DCAF1: variants seen among roughly 807,000 people sequenced by gnomAD.
DCAF1 encodes DDB1- and CUL4-associated factor 1.
Under a neutral mutation model 128.0 loss-of-function variants are expected in DCAF1, and 15 were observed. The ratio of observed to expected loss-of-function variants is 0.12; its 90% CI spans 0.08 to 0.18. The LOEUF (loss-of-function observed/expected upper bound fraction) is 0.18, where lower values mean the gene tolerates loss of function less well. DCAF1 is among the 10% of genes least tolerant of loss of function. The pLI is 1.00. For missense variants in DCAF1, 988 were observed against 1,649.5 expected, an observed-to-expected ratio of 0.60 and a Z score of 6.95; for synonymous variants, 610 against 603.0, an observed-to-expected ratio of 1.01 and a Z score of -0.17.
At chr3:51,466,743 CA>C (rs1704169003) in intron 5 of DCAF1, 59 bp downstream of exon 5, 1 of 1,560,606 alleles carries the variant, frequency 6.4e-7, no homozygotes, top group Non-Finnish European at 8.8e-7. Flanking sequence ...CACGAAAAAA[CA>C]ATAAAGATAC....
intron 6 of DCAF1, among the ~76,000 whole-genome samples, chr3:51,447,568 A>G (rs1701999219): frequency 6.6e-6 from 1 of 152,180 alleles, no homozygotes; most frequent in South Asian, 2.1e-4. Context: ...TAAAATATTA[A>G]TTCTATCTAT....
At chr3:51,478,845 C>G (rs1407816930) in intron 3 of DCAF1, among the ~76,000 whole-genome samples, 8 of 152,036 alleles carry the variant, frequency 5.3e-5, no homozygotes, top group Admixed American at 3.9e-4. Context: ...TGCCAGTCAG[C>G]AATAATCCTG....
intron 23 of DCAF1, among the ~76,000 whole-genome samples, chr3:51,408,808 A>C (rs1318384153): frequency 6.6e-6 from 1 of 152,250 alleles, no homozygotes; most frequent in African/African-American, 2.4e-5. Context: ...CAGTTCTCTA[A>C]CAGAGGTCCT....
upstream of DCAF1, among the ~76,000 whole-genome samples, chr3:51,502,754 C>A (rs1220807264): frequency 2.6e-5 from 4 of 151,830 alleles, no homozygotes; most frequent in Admixed American, 2.6e-4. Context: ...CCTGCAGCCT[C>A]CTCTACCCCT....
chr3:51,441,496 T>C lies in DCAF1; in HGVS notation c.915A>G (p.Ser305=). The C allele has an allele frequency of 6.2e-7, 1 of 1,614,048 alleles. No homozygotes were observed. Among genetic ancestry groups the C allele is most frequent in the South Asian group, 1.1e-5 (1 of 91,080 alleles). The part of the protein sequence containing the change: ...MFVELSNSSW[S]EMSPWVIGTN... ...TGCCAATCACCCAGGGAGACATTTC[T>C]GACCAACTGCTATTAGACAGCTCAA... Residue 305 remains serine (S), a synonymous_variant, in exon 8 of 25, where the codon TCA becomes TCG. Transcript: ENST00000684031.
intron 17 of DCAF1, 104 bp from the exon 18 acceptor site, chr3:51,416,975 A>C: frequency 4.0e-6 from 6 of 1,502,362 alleles, no homozygotes; most frequent in Non-Finnish European, 3.6e-6. Context: ...AATCACACTC[A>C]CCTAAAGATC....
intron 1 of DCAF1, 88 bp downstream of exon 1, chr3:51,499,785 C>G (rs1233025512): frequency 1.3e-5 from 2 of 151,976 alleles, no homozygotes; most frequent in African/African-American, 4.8e-5. Context: ...TCCCCCAAGC[C>G]CGGCGCCCAC....
In DCAF1 at chr3:51,420,991, C is replaced by T; in HGVS notation, c.1979G>A (p.Ser660Asn). 6.2e-7 allele frequency: 1 copy of T among 1,608,762 alleles called. No individual in the cohort carries two copies. The highest frequency in any genetic ancestry group is 1.3e-5 in the African/African-American group (1 of 74,830). ...AGSTVSTVGI[S>N]IILGVAEGEF... The stretch of plus-strand genomic sequence containing the variant: ...ACCCTCAGCCACTCCCAAAATAATG[C>T]TGATACCTAATGGGAAAAAAAATTA... Residue 660 changes from serine to asparagine, a missense_variant, in exon 15 of 25, where the codon AGC (serine) becomes AAC (asparagine). Coordinates refer to ENST00000684031, the MANE Select transcript of DCAF1 (RefSeq NM_001387579.1). This position sits in a 1 kb window ranked among gnomAD's most constrained non-coding sequence, Gnocchi z 6.5.
chr3:51,495,374 G>A (rs1435814547), intron 2 of DCAF1, among the ~76,000 whole-genome samples: 1 of 152,012 alleles, frequency 6.6e-6, no homozygotes, highest in Non-Finnish European at 1.5e-5. Flanking sequence ...AAGGCAAGGC[G>A]TGGTGGCTCA....
chr3:51,438,208 A>G, intron 9 of DCAF1: 1 of 315,708 alleles, frequency 3.2e-6, no homozygotes, highest in South Asian at 2.7e-5. Context: ...GAAAATCCTT[A>G]TTTCCATGGT....
At chr3:51,411,163 G>GAAA (rs1268364026) in intron 23 of DCAF1, among the ~76,000 whole-genome samples, 5 of 58,774 alleles carry the variant, frequency 8.5e-5, no homozygotes, top group Admixed American at 1.5e-4. Context: ...CTCCATCTCA[G>GAAA]AAAAAAAAAA....
chr3:51,474,207 T>A (rs1336586849), intron 3 of DCAF1, among the ~76,000 whole-genome samples: 1 of 151,822 alleles, frequency 6.6e-6, no homozygotes, highest in Non-Finnish European at 1.5e-5. Context: ...TCACCTGAGG[T>A]TGGGAGTTCG....
intron 6 of DCAF1, among the ~76,000 whole-genome samples, chr3:51,454,696 C>T (rs533635088): frequency 6.6e-5 from 10 of 150,952 alleles, no homozygotes; most frequent in East Asian, 5.9e-4. Flanking sequence ...TTTTTTGAGA[C>T]GGAGTCTCGC....
intron 9 of DCAF1, 150 bp from the exon 10 acceptor site, chr3:51,433,414 A>G: frequency 2.5e-6 from 1 of 392,774 alleles, no homozygotes; most frequent in Non-Finnish European, 4.5e-6. Flanking sequence ...ATTTAAAGTA[A>G]ATAAAAAGAC....
intron 7 of DCAF1, 36 bp from the exon 8 acceptor site, chr3:51,441,933 CTTTA>C (rs1701397386): frequency 6.5e-7 from 1 of 1,546,976 alleles, no homozygotes. Flanking sequence ...GGGGGTGCCT[CTTTA>C]TTAAGGATTA....
At chr3:51,439,895 A>G (rs928834474) in intron 9 of DCAF1, among the ~76,000 whole-genome samples, 2 of 152,054 alleles carry the variant, frequency 1.3e-5, no homozygotes, top group African/African-American at 4.8e-5. Context: ...CAGGAGGCTG[A>G]GGCAGGAGAA....
rs2089351267 is a variant in DCAF1 at position 51,398,221 on chromosome 3, C to G, written c.*548G>C. The G allele has an allele frequency of 6.6e-6, 1 of 151,948 alleles. No homozygotes were observed. Among genetic ancestry groups the G allele is most frequent in the Non-Finnish European group, 1.5e-5 (1 of 67,984 alleles). 9.4% of individuals were successfully genotyped at this position (151,948 alleles called of 1,614,324 possible). On this transcript the variant is annotated 3_prime_UTR_variant, in exon 25 of 25. Transcript: ENST00000684031. Reference sequence around the variant, plus strand: ...TATTTATAATAAAATATTCTTAATCCTTATCAATTTAAGAAACCACGATTT... The same window carrying G: ...TATTTATAATAAAATATTCTTAATCGTTATCAATTTAAGAAACCACGATTT...
chr3:51,483,782 G>A lies in DCAF1; in HGVS notation c.47C>T (p.Thr16Ile). The change falls in exon 3 of 25, where the codon ACC becomes ATC. Residue 16 changes from threonine (T) to isoleucine (I), a missense_variant. By Grantham distance (89) the Thr-to-Ile change is moderately conservative. Coordinates refer to ENST00000684031, the MANE Select transcript of DCAF1 (RefSeq NM_001387579.1). ...VHVDSKAELT[T>I]LLEQWEKEHG... The stretch of plus-strand genomic sequence containing the variant: ...TTCCTTTTCCCACTGCTCCAGCAGG[G>A]TAGTGAGCTCAGCTTTGGAGTCCAC... 1 of 1,613,880 alleles carries A rather than the reference G, an allele frequency of 6.2e-7. No individual in the cohort carries two copies. The highest frequency in any genetic ancestry group is 8.5e-7 in the Non-Finnish European group (1 of 1,179,872).
At chr3:51,435,877 A>G (rs1220766575) in intron 9 of DCAF1, among the ~76,000 whole-genome samples, 2 of 152,232 alleles carry the variant, frequency 1.3e-5, no homozygotes, top group African/African-American at 4.8e-5. Flanking sequence ...AAGAACAAAG[A>G]CAAAAATAAA....
Sources: gnomAD v4.1 joint callset for allele counts (sites outside exome capture counted in the v4.1 genomes callset) on GRCh38, gnomAD v4.1.1 for gene constraint, Gnocchi (gnomAD v3.1) non-coding constraint, MANE v1.5 for transcripts, NCBI Gene and HGNC (gene_info 2026-07-23, HGNC 2026-07-21) for gene names.